Variants in LRRC4C observed in about 807,000 individuals in gnomAD.
LRRC4C encodes the protein leucine-rich repeat-containing protein 4C.
Under a neutral mutation model 33.6 loss-of-function variants are expected in LRRC4C, and 5 were observed. The observed-to-expected ratio is 0.15, with a 90% CI of 0.08 to 0.31. The LOEUF is 0.31. Ranked by LOEUF, LRRC4C falls within the 10% of genes least tolerant of loss-of-function variation. LRRC4C has a pLI of 1.00. For synonymous variants in LRRC4C, 329 were observed against 302.0 expected (o/e 1.09, Z -0.93); for missense variants, 560 against 796.7 (o/e 0.70, Z 3.58).
At chr11:41,406,565 AC>A (rs1459176425) in intron 1 of LRRC4C, among the ~76,000 whole-genome samples, 1 of 152,058 alleles carries the variant, frequency 6.6e-6, no homozygotes, top group African/African-American at 2.4e-5. Context: ...ATCACTCTGC[AC>A]AGTACATATG....
At chr11:40,150,630 T>C (rs1385602245) in intron 5 of LRRC4C, among the ~76,000 whole-genome samples, 2 of 152,096 alleles carry the variant, frequency 1.3e-5, no homozygotes, top group African/African-American at 2.4e-5. Context: ...TTTTCGTAGA[T>C]ACCTGGTCTC....
intron 4 of LRRC4C, among the ~76,000 whole-genome samples, chr11:40,311,943 CAAAAAAAAAAAAA>C (rs368014390): frequency 1.6e-5 from 1 of 61,992 alleles, no homozygotes; most frequent in African/African-American, 6.1e-5. Context: ...GACTCTGTCT[CAAAAAAAAAAAAA>C]AAAAAAAAGT....
chr11:41,282,778 T>C (rs935448538), intron 1 of LRRC4C, among the ~76,000 whole-genome samples: 1 of 152,192 alleles, frequency 6.6e-6, no homozygotes, highest in African/African-American at 2.4e-5. Flanking sequence ...TGTGGGCATC[T>C]GAATCCGAGG....
chr11:40,805,859 G>GAA (rs895035536), intron 2 of LRRC4C, among the ~76,000 whole-genome samples: 2 of 150,276 alleles, frequency 1.3e-5, no homozygotes, highest in African/African-American at 4.9e-5. Context: ...GTATGACTCA[G>GAA]AAAAAAAAAT....
chr11:40,210,448 T>C (rs1381587059), intron 5 of LRRC4C, among the ~76,000 whole-genome samples: 2 of 152,222 alleles, frequency 1.3e-5, no homozygotes, highest in Non-Finnish European at 1.5e-5. Flanking sequence ...AATTATTAAA[T>C]AACTGGTAAA....
At chr11:40,877,046 T>C (rs545156548) in intron 2 of LRRC4C, among the ~76,000 whole-genome samples, 2 of 152,190 alleles carry the variant, frequency 1.3e-5, no homozygotes, top group Admixed American at 1.3e-4. Flanking sequence ...CTCACAGAGC[T>C]GTGCAAACAG....
chr11:40,198,653 C>A (rs1037272657), intron 5 of LRRC4C, among the ~76,000 whole-genome samples: 4 of 152,138 alleles, frequency 2.6e-5, no homozygotes, highest in Admixed American at 6.5e-5. Context: ...GCATAGGCAC[C>A]CATCCGTGCC....
intron 2 of LRRC4C, among the ~76,000 whole-genome samples, chr11:40,781,589 C>T (rs751439385): frequency 6.6e-6 from 1 of 152,146 alleles, no homozygotes. Flanking sequence ...GTTCCTTTAC[C>T]TACAAGCACA....
At position 41,320,476 on chromosome 11, in the gene LRRC4C, G is replaced by A. The variant is rs12274675; in HGVS notation, c.-496+138955C>T. On this transcript the variant is annotated intron_variant, in intron 1 of 6. Transcript: ENST00000528697. The stretch of plus-strand genomic sequence containing the variant: ...GATTTCCATTTCTGTCTAAATAGAT[G>A]TCTATGGTGCATTACACTGGTCCTT... 3.3e-3 allele frequency among the ~76,000 whole-genome samples: 499 copies of A among 152,292 alleles called. 5 individuals carry two copies. The highest frequency in any genetic ancestry group is 0.012 in the African/African-American group (481 of 41,564).
chr11:41,232,896 A>G (rs376259960), intron 1 of LRRC4C, among the ~76,000 whole-genome samples: 5 of 152,050 alleles, frequency 3.3e-5, no homozygotes, highest in African/African-American at 1.2e-4. Flanking sequence ...TGTTTAGTTA[A>G]GTCAACACTT....
intron 3 of LRRC4C, among the ~76,000 whole-genome samples, chr11:40,632,671 G>T (rs1329760604): frequency 3.9e-5 from 6 of 152,158 alleles, no homozygotes; most frequent in Non-Finnish European, 8.8e-5. Flanking sequence ...CAGAGAAGTG[G>T]CATGGAGGGC....
intron 3 of LRRC4C, among the ~76,000 whole-genome samples, chr11:40,483,924 C>G (rs960065445): frequency 3.3e-5 from 5 of 151,548 alleles, no homozygotes; most frequent in African/African-American, 7.3e-5. Flanking sequence ...CAAAAAAAGA[C>G]AATTCACTGT....
At chr11:40,530,534 A>G (rs1002292379) in intron 3 of LRRC4C, among the ~76,000 whole-genome samples, 1 of 152,186 alleles carries the variant, frequency 6.6e-6, no homozygotes, top group Non-Finnish European at 1.5e-5. Context: ...AGCACTTAGC[A>G]CAGAGCCTAT....
chr11:41,268,635 T>A (rs1053888685), intron 1 of LRRC4C, among the ~76,000 whole-genome samples: 17 of 152,144 alleles, frequency 1.1e-4, no homozygotes, highest in African/African-American at 3.6e-4. Context: ...TTTATCCACA[T>A]AATTACCAGT....
rs914349219 is a variant in LRRC4C at position 41,122,271 on chromosome 11, G to A, written c.-495-188548C>T. Among the ~76,000 whole-genome samples the A allele has an allele frequency of 2.0e-5, 3 of 152,004 alleles. No homozygotes were observed. In the East Asian group the frequency reaches 5.8e-4, roughly 29 times the overall value. ...TACAATAGGGTAAAACATACTTATTGAACCCGCCAGATTCAGATAGTTCTG... is the reference window on the plus strand; with the variant it reads ...TACAATAGGGTAAAACATACTTATTAAACCCGCCAGATTCAGATAGTTCTG... On this transcript the variant is annotated intron_variant, in intron 1 of 6. Coordinates refer to ENST00000528697, the MANE Select transcript of LRRC4C (RefSeq NM_001258419.2).
intron 2 of LRRC4C, among the ~76,000 whole-genome samples, chr11:40,701,730 C>T (rs978234060): frequency 6.6e-6 from 1 of 151,374 alleles, no homozygotes; most frequent in Non-Finnish European, 1.5e-5. Flanking sequence ...ATGAAAAATC[C>T]TTCAAGCTAA....
At chr11:40,786,672 T>A (rs1374719394) in intron 2 of LRRC4C, among the ~76,000 whole-genome samples, 1 of 152,172 alleles carries the variant, frequency 6.6e-6, no homozygotes, top group African/African-American at 2.4e-5. Context: ...TTACTTGGTA[T>A]CATTGGTGTA....
At chr11:40,298,353 G>A (rs554889293) in intron 4 of LRRC4C, among the ~76,000 whole-genome samples, 1 of 151,170 alleles carries the variant, frequency 6.6e-6, no homozygotes, top group East Asian at 1.9e-4. Context: ...GGCTCTTTTT[G>A]ATCTTTTTGA....
intron 2 of LRRC4C, among the ~76,000 whole-genome samples, chr11:40,693,175 T>C (rs927360764): frequency 3.0e-4 from 45 of 152,190 alleles, no homozygotes; most frequent in African/African-American, 1.1e-3. Context: ...AAGTTGGTTG[T>C]GTGGCACTGG....
Sources: allele counts gnomAD v4.1 joint callset (sites outside exome capture counted in the v4.1 genomes callset), GRCh38; gene constraint gnomAD v4.1.1; transcripts MANE v1.5; gene names NCBI Gene and HGNC (gene_info 2026-07-23, HGNC 2026-07-21).